PABPC4L: variants seen among roughly 807,000 people sequenced by gnomAD.
PABPC4L encodes the protein polyadenylate-binding protein 4-like.
For missense variants in PABPC4L, 452 were observed against 451.4 expected (o/e 1.00, Z -0.01); for synonymous variants, 169 against 164.1 (o/e 1.03, Z -0.23).
chr4:134,128,778 A>C, the PABPC4L span, among the ~76,000 whole-genome samples: 1 of 152,330 alleles, frequency 6.6e-6, no homozygotes, highest in African/African-American at 2.4e-5. Flanking sequence ...GATACAAGGT[A>C]TTCAGGCAAC....
chr4:134,010,092 T>C, the PABPC4L span, among the ~76,000 whole-genome samples: 92 of 152,164 alleles, frequency 6.0e-4, no homozygotes, highest in African/African-American at 2.1e-3. Flanking sequence ...ATTGTATTAA[T>C]GATGGTTACA....
At chr4:134,058,558 T>C in the PABPC4L span, among the ~76,000 whole-genome samples, 1 of 152,014 alleles carries the variant, frequency 6.6e-6, no homozygotes, top group African/African-American at 2.4e-5. Context: ...TTTCTCAGTC[T>C]CATTCTATTA....
the PABPC4L span, among the ~76,000 whole-genome samples, chr4:134,023,648 A>AT: frequency 6.6e-6 from 1 of 151,958 alleles, no homozygotes; most frequent in Non-Finnish European, 1.5e-5. Context: ...TATGAATTAT[A>AT]TTTTTTTAAA....
the PABPC4L span, among the ~76,000 whole-genome samples, chr4:134,027,619 A>T: frequency 6.6e-6 from 1 of 152,136 alleles, no homozygotes; most frequent in Non-Finnish European, 1.5e-5. Context: ...TGGATCATAT[A>T]GTAATTGTAT....
At chr4:133,979,023 T>G in the PABPC4L span, 7 of 152,288 alleles carry the variant, frequency 4.6e-5, no homozygotes, top group Non-Finnish European at 1.0e-4. Flanking sequence ...TAGAGATTGA[T>G]GCTTTCAAGA....
At chr4:134,056,620 A>G in the PABPC4L span, among the ~76,000 whole-genome samples, 13 of 151,904 alleles carry the variant, frequency 8.6e-5, no homozygotes, top group African/African-American at 3.1e-4. Flanking sequence ...TTAAACTTTA[A>G]TGTTAAATTA....
chr4:134,145,793 A>G, the PABPC4L span, among the ~76,000 whole-genome samples: 80 of 152,184 alleles, frequency 5.3e-4, no homozygotes, highest in African/African-American at 1.9e-3. Context: ...TTTCACAGGC[A>G]ATATAATTCT....
the PABPC4L span, among the ~76,000 whole-genome samples, chr4:133,948,875 A>G: frequency 6.6e-6 from 1 of 152,080 alleles, no homozygotes; most frequent in Admixed American, 6.6e-5. Context: ...ATCTTAATTA[A>G]TTTTACTCTC....
chr4:133,991,448 G>T, the PABPC4L span, among the ~76,000 whole-genome samples: 1 of 152,132 alleles, frequency 6.6e-6, no homozygotes, highest in African/African-American at 2.4e-5. Context: ...GAATGCCAGT[G>T]CATCTTGCCG....
chr4:134,129,400 C>A, the PABPC4L span, among the ~76,000 whole-genome samples: 1 of 151,982 alleles, frequency 6.6e-6, no homozygotes, highest in Non-Finnish European at 1.5e-5. Context: ...ACAGAACGTT[C>A]TCCAAGATAG....
chr4:134,190,644 C>CAT, the PABPC4L span, among the ~76,000 whole-genome samples: 7 of 151,966 alleles, frequency 4.6e-5, no homozygotes, highest in South Asian at 2.1e-4. Flanking sequence ...ATACTCAATT[C>CAT]ATATATATAT....
the PABPC4L span, among the ~76,000 whole-genome samples, chr4:133,968,512 C>A: frequency 6.6e-6 from 1 of 152,094 alleles, no homozygotes; most frequent in Admixed American, 6.6e-5. Flanking sequence ...TAAACTTCAC[C>A]ATCAATAGCG....
chr4:134,041,533 C>T, the PABPC4L span, among the ~76,000 whole-genome samples: 1 of 151,814 alleles, frequency 6.6e-6, no homozygotes, highest in Non-Finnish European at 1.5e-5. Flanking sequence ...ACAATGAGAA[C>T]ACATGGATGT....
At chr4:134,037,874 T>C in the PABPC4L span, among the ~76,000 whole-genome samples, 1 of 152,128 alleles carries the variant, frequency 6.6e-6, no homozygotes, top group Non-Finnish European at 1.5e-5. Context: ...ATAGGTGTGG[T>C]AAGAGAGGGC....
At chr4:134,177,043 G>A in the PABPC4L span, among the ~76,000 whole-genome samples, 17 of 152,150 alleles carry the variant, frequency 1.1e-4, no homozygotes, top group South Asian at 3.3e-3. Context: ...TTCCGGATAG[G>A]GCTTGGTGGC....
the PABPC4L span, among the ~76,000 whole-genome samples, chr4:134,028,864 T>C: frequency 6.6e-6 from 1 of 152,158 alleles, no homozygotes; most frequent in African/African-American, 2.4e-5. Context: ...CCTCAAGTTC[T>C]AGTTTAAAGA....
the PABPC4L span, among the ~76,000 whole-genome samples, chr4:134,177,216 C>T: frequency 1.4e-5 from 2 of 140,092 alleles, no homozygotes; most frequent in African/African-American, 5.4e-5. Flanking sequence ...CGTAGTCTAG[C>T]TGTCACCAGG....
At chr4:133,968,615 C>A in the PABPC4L span, among the ~76,000 whole-genome samples, 3 of 151,836 alleles carry the variant, frequency 2.0e-5, no homozygotes, top group African/African-American at 7.3e-5. Flanking sequence ...AAATGGGCCA[C>A]GTAAATAGAC....
the PABPC4L span, among the ~76,000 whole-genome samples, chr4:134,184,726 A>G: frequency 6.6e-6 from 1 of 152,018 alleles, no homozygotes; most frequent in Non-Finnish European, 1.5e-5. Flanking sequence ...ATTTCTGAAT[A>G]ATATGGTAGA....
Sources: allele counts gnomAD v4.1 joint callset (sites outside exome capture counted in the v4.1 genomes callset), GRCh38; gene constraint gnomAD v4.1.1; transcripts MANE v1.5; gene names NCBI Gene and HGNC (gene_info 2026-07-23, HGNC 2026-07-21).